The following HS3ST4 variants were observed in gnomAD, a reference collection of about 807,000 sequenced individuals.
HS3ST4 encodes heparan sulfate-glucosamine 3-sulfotransferase 4.
A neutral mutation model predicts 29.2 loss-of-function variants in HS3ST4; 17 were observed. The ratio of observed to expected loss-of-function variants is 0.58; its 90% CI spans 0.40 to 0.87. HS3ST4 has a LOEUF of 0.87. HS3ST4 is among the 40% of genes least tolerant of loss of function. HS3ST4 has a pLI of 0.00. For missense variants in HS3ST4, 627 were observed against 634.5 expected (o/e 0.99, Z 0.13); for synonymous variants, 314 against 285.7 (o/e 1.10, Z -1.00).
intron 1 of HS3ST4, among the ~76,000 whole-genome samples, chr16:25,809,449 A>G (rs1393313601): frequency 6.6e-6 from 1 of 152,170 alleles, no homozygotes; most frequent in African/African-American, 2.4e-5. Flanking sequence ...TTTTGCATCT[A>G]GTTCATGTGA....
chr16:25,767,325 A>G lies in HS3ST4; in HGVS notation c.734+74174A>G, dbSNP rs1427618948. 2.6e-5 allele frequency among the ~76,000 whole-genome samples: 4 copies of G among 152,124 alleles called. No individual in the cohort carries two copies. In the East Asian group the frequency reaches 7.7e-4, roughly 29 times the overall value. ...TCCTCCTTTCTTCTTGGATTAGCCC[A>G]GGGACTACAGTGCAAATACCCAGTG... is the stretch of plus-strand genomic sequence containing the variant. On this transcript the variant is annotated intron_variant, in intron 1 of 1. Transcript: ENST00000331351.
At chr16:25,898,005 C>T (rs1396253738) in intron 1 of HS3ST4, among the ~76,000 whole-genome samples, 1 of 152,192 alleles carries the variant, frequency 6.6e-6, no homozygotes, top group East Asian at 1.9e-4. Context: ...TAGATCCGCG[C>T]AGGCGAGCCC....
intron 1 of HS3ST4, among the ~76,000 whole-genome samples, chr16:25,838,214 G>T (rs1253526679): frequency 6.6e-6 from 1 of 152,216 alleles, no homozygotes; most frequent in Non-Finnish European, 1.5e-5. Flanking sequence ...GACTACCGCT[G>T]CTATTTAACT....
At chr16:26,085,050 GC>G (rs1567308651) in intron 1 of HS3ST4, among the ~76,000 whole-genome samples, 1 of 152,164 alleles carries the variant, frequency 6.6e-6, no homozygotes, top group Admixed American at 6.5e-5. Flanking sequence ...TGAGCACATG[GC>G]CTCTCAGTTA....
chr16:25,874,802 C>T lies in HS3ST4; in HGVS notation c.734+181651C>T, dbSNP rs957073578. On this transcript the variant is annotated intron_variant, in intron 1 of 1. Coordinates refer to ENST00000331351, the MANE Select transcript of HS3ST4 (RefSeq NM_006040.3). The stretch of plus-strand genomic sequence containing the variant: ...GAAAGTAGCATAAGTACAGTGATAC[C>T]GAGAGCATGGACTCTGGAGCCATGT... 3.9e-5 allele frequency among the ~76,000 whole-genome samples: 6 copies of T among 152,218 alleles called. No individual in the cohort carries two copies. In the South Asian group the frequency reaches 6.2e-4, roughly 16 times the overall value.
chr16:25,776,397 G>T (rs1325618836), intron 1 of HS3ST4, among the ~76,000 whole-genome samples: 2 of 152,146 alleles, frequency 1.3e-5, no homozygotes, highest in Non-Finnish European at 1.5e-5. Flanking sequence ...AAACTCAAAA[G>T]AATGCAACCA....
At chr16:25,840,433 A>G (rs960353464) in intron 1 of HS3ST4, among the ~76,000 whole-genome samples, 2 of 152,202 alleles carry the variant, frequency 1.3e-5, no homozygotes, top group Non-Finnish European at 2.9e-5. Flanking sequence ...GGGTGTTTCA[A>G]TAGGTTAAGT....
chr16:26,093,610 C>T (rs1215817228), intron 1 of HS3ST4, among the ~76,000 whole-genome samples: 2 of 152,178 alleles, frequency 1.3e-5, no homozygotes, highest in African/African-American at 4.8e-5. Context: ...ATCTGTAGGT[C>T]ACCATCGTCA....
chr16:26,040,705 C>T (rs1466351346), intron 1 of HS3ST4, among the ~76,000 whole-genome samples: 2 of 152,068 alleles, frequency 1.3e-5, no homozygotes, highest in Non-Finnish European at 2.9e-5. Context: ...CCAGGACACA[C>T]AGCTGGTGCT....
intron 1 of HS3ST4, among the ~76,000 whole-genome samples, chr16:25,711,811 C>A (rs1156939116): frequency 2.6e-5 from 4 of 152,012 alleles, no homozygotes; most frequent in African/African-American, 9.7e-5. Flanking sequence ...TTCATTTTTT[C>A]CTGTACTATC....
chr16:25,809,106 A>G (rs1967017247), intron 1 of HS3ST4, among the ~76,000 whole-genome samples: 1 of 151,980 alleles, frequency 6.6e-6, no homozygotes, highest in African/African-American at 2.4e-5. Flanking sequence ...CCCTTATTGC[A>G]TGCCTACAAC....
chr16:25,693,053 G>A lies in HS3ST4; in HGVS notation c.636G>A (p.Ala212=), dbSNP rs554567193. Residue 212 remains alanine, a synonymous_variant, in exon 1 of 2, where the codon GCG becomes GCA. Coordinates refer to ENST00000331351, the MANE Select transcript of HS3ST4 (RefSeq NM_006040.3). The stretch of plus-strand genomic sequence containing the variant: ...GGGTCAAGAAAGGAGGGACCCGCGC[G>A]CTGCTGGAGGCGATCCGCGTGCACC... The part of the protein sequence containing the change: ...IIGVKKGGTR[A]LLEAIRVHPD... The A allele has an allele frequency of 3.7e-6, 6 of 1,609,426 alleles. No individual in the cohort carries two copies. Among genetic ancestry groups the A allele is most frequent in the Non-Finnish European group, 2.5e-6 (3 of 1,178,278 alleles).
chr16:25,870,267 G>A (rs1967736412), intron 1 of HS3ST4, among the ~76,000 whole-genome samples: 1 of 152,082 alleles, frequency 6.6e-6, no homozygotes, highest in South Asian at 2.1e-4. Flanking sequence ...TCTAGGTGCT[G>A]TGGATACAAC....
intron 1 of HS3ST4, among the ~76,000 whole-genome samples, chr16:25,712,599 A>G (rs1966423620): frequency 1.3e-5 from 2 of 152,192 alleles, no homozygotes; most frequent in Non-Finnish European, 2.9e-5. Flanking sequence ...AAAAATTGTT[A>G]AGAGTATTAG....
intron 1 of HS3ST4, among the ~76,000 whole-genome samples, chr16:25,852,710 A>C (rs1200815158): frequency 1.3e-5 from 2 of 152,116 alleles, no homozygotes; most frequent in Admixed American, 1.3e-4. Context: ...CTTTTGTCAA[A>C]CAGAAGTTTT....
chr16:25,793,351 T>C (rs1966874488), intron 1 of HS3ST4, among the ~76,000 whole-genome samples: 1 of 151,972 alleles, frequency 6.6e-6, no homozygotes, highest in Non-Finnish European at 1.5e-5. Context: ...CTGCTTGTTC[T>C]ACCAGTTACT....
intron 1 of HS3ST4, among the ~76,000 whole-genome samples, chr16:25,898,420 T>C (rs964440507): frequency 6.6e-6 from 1 of 152,202 alleles, no homozygotes; most frequent in Non-Finnish European, 1.5e-5. Flanking sequence ...TCCCATACAC[T>C]GGATCAAGAT....
chr16:25,955,237 A>G (rs1234671498), intron 1 of HS3ST4, among the ~76,000 whole-genome samples: 2 of 152,158 alleles, frequency 1.3e-5, no homozygotes, highest in African/African-American at 4.8e-5. Context: ...GACTTGTTCA[A>G]AGAGAGGCTA....
At position 25,857,892 on chromosome 16, in the gene HS3ST4, T is replaced by TTTTC. The variant is rs1555469150; in HGVS notation, c.734+164748_734+164751dup. On this transcript the variant is annotated intron_variant, in intron 1 of 1. Transcript: ENST00000331351. Reference sequence around the variant, plus strand: ...AATTTCTTTCTCTTTCTTTCTTTCTTTTTCTTTCTTCCTTCCTTCCTTCCT... The same window carrying TTTTC: ...AATTTCTTTCTCTTTCTTTCTTTCTTTTTCTTTCTTTCTTCCTTCCTTCCTTCCT... Among the ~76,000 whole-genome samples, 21 of 82,750 alleles carry TTTTC rather than the reference T, an allele frequency of 2.5e-4. 1 individual carries two copies. The highest frequency in any genetic ancestry group is 7.0e-4 in the African/African-American group (14 of 20,060). The allele number at this position is 82,750 out of a possible 152,430, so 54.3% of individuals were successfully genotyped here. A position where few individuals can be genotyped will look rare whatever the true frequency, so the allele number is the denominator to read the frequency against.
Sources: gnomAD v4.1 joint callset for allele counts (sites outside exome capture counted in the v4.1 genomes callset) on GRCh38, gnomAD v4.1.1 for gene constraint, MANE v1.5 for transcripts, NCBI Gene and HGNC (gene_info 2026-07-23, HGNC 2026-07-21) for gene names.